The following ZMIZ1 variants were observed in gnomAD, a reference collection of about 807,000 sequenced individuals.
ZMIZ1 encodes the protein zinc finger MIZ domain-containing protein 1.
Under a neutral mutation model 113.9 loss-of-function variants are expected in ZMIZ1, and 17 were observed. The observed-to-expected ratio is 0.15, with a 90% CI of 0.10 to 0.22. The LOEUF (loss-of-function observed/expected upper bound fraction) is 0.22. Ranked by LOEUF, ZMIZ1 falls within the 10% of genes least tolerant of loss-of-function variation. The pLI is 1.00. For missense variants in ZMIZ1, 1,059 were observed against 1,477.8 expected, an observed-to-expected ratio of 0.72 and a Z score of 4.65; for synonymous variants, 607 against 603.1, an observed-to-expected ratio of 1.01 and a Z score of -0.09.
intron 18 of ZMIZ1, among the ~76,000 whole-genome samples, chr10:79,302,868 T>TC (rs1456809756): frequency 6.8e-6 from 1 of 146,810 alleles, no homozygotes; most frequent in East Asian, 2.0e-4. Context: ...TAAGTTTTTT[T>TC]TTTTTTTTTT....
At chr10:79,158,587 CT>C (rs1014653001) in intron 3 of ZMIZ1, among the ~76,000 whole-genome samples, 24 of 152,240 alleles carry the variant, frequency 1.6e-4, no homozygotes, top group African/African-American at 3.6e-4. Flanking sequence ...GGAGCCACCC[CT>C]GGTCCTAAAT....
chr10:79,248,947 G>C (rs918707862), intron 7 of ZMIZ1, among the ~76,000 whole-genome samples: 1 of 152,166 alleles, frequency 6.6e-6, no homozygotes, highest in Non-Finnish European at 1.5e-5. Flanking sequence ...CCCTGGGTCA[G>C]AGCCTGAGGC....
intron 4 of ZMIZ1, among the ~76,000 whole-genome samples, chr10:79,182,666 G>A (rs1180455963): frequency 6.6e-6 from 1 of 152,238 alleles, no homozygotes; most frequent in African/African-American, 2.4e-5. Flanking sequence ...GAGGCTTGAG[G>A]ATTTGAAGAG....
At chr10:79,237,693 G>A (rs1849648530) in intron 7 of ZMIZ1, among the ~76,000 whole-genome samples, 1 of 152,206 alleles carries the variant, frequency 6.6e-6, no homozygotes, top group Non-Finnish European at 1.5e-5. Context: ...TCTTAACGTG[G>A]TCATCTGCAA....
chr10:79,109,476 G>A (rs1450075431), intron 1 of ZMIZ1, among the ~76,000 whole-genome samples: 1 of 152,222 alleles, frequency 6.6e-6, no homozygotes, highest in Non-Finnish European at 1.5e-5. Context: ...GAGTCCTGAA[G>A]GAACTGGGGA....
intron 7 of ZMIZ1, among the ~76,000 whole-genome samples, chr10:79,224,855 C>T (rs991505285): frequency 6.6e-6 from 1 of 151,880 alleles, no homozygotes; most frequent in Non-Finnish European, 1.5e-5. Flanking sequence ...AAGCACTGAT[C>T]GAGAAGTGGA....
At chr10:79,190,376 G>C (rs1306414345) in intron 4 of ZMIZ1, among the ~76,000 whole-genome samples, 1 of 152,196 alleles carries the variant, frequency 6.6e-6, no homozygotes, top group African/African-American at 2.4e-5. Context: ...GGCCTTCAAG[G>C]CTCTGCTCTA....
intron 4 of ZMIZ1, among the ~76,000 whole-genome samples, chr10:79,181,616 G>A (rs999196258): frequency 1.2e-4 from 19 of 152,136 alleles, no homozygotes; most frequent in African/African-American, 2.9e-4. Flanking sequence ...ACCCCAAACC[G>A]TGGGCAGTGC....
rs117275257 is a variant in ZMIZ1 at position 79,076,708 on chromosome 10, A to G, written c.-337+7438A>G. On this transcript the variant is annotated intron_variant, in intron 1 of 24. Coordinates refer to ENST00000334512, the MANE Select transcript of ZMIZ1 (RefSeq NM_020338.4). ...AATTATCTCGGCATGATGGTGGTGC[A>G]CGCTTGTAGTCCCAGCTACTCGAGA... Among the ~76,000 whole-genome samples the G allele has an allele frequency of 6.5e-3, 990 of 152,282 alleles. 4 individuals carry two copies. The highest frequency in any genetic ancestry group is 0.012 in the Admixed American group (189 of 15,296).
At chr10:79,114,502 T>TGCGC in intron 1 of ZMIZ1, among the ~76,000 whole-genome samples, 1 of 73,574 alleles carries the variant, frequency 1.4e-5, no homozygotes, top group South Asian at 4.5e-4. Flanking sequence ...TGCGTGTGTG[T>TGCGC]GTGCGTGTGT....
At chr10:79,077,238 C>T (rs1293046815) in intron 1 of ZMIZ1, among the ~76,000 whole-genome samples, 1 of 151,952 alleles carries the variant, frequency 6.6e-6, no homozygotes, top group African/African-American at 2.4e-5. Flanking sequence ...GGACCTTGAC[C>T]GCCGCTGGGA....
chr10:79,086,820 A>G (rs554525390), intron 1 of ZMIZ1, among the ~76,000 whole-genome samples: 1 of 152,184 alleles, frequency 6.6e-6, no homozygotes, highest in Admixed American at 6.5e-5. Flanking sequence ...CTGATTCTCT[A>G]TACCTTTGGC....
rs570344205 is a variant in ZMIZ1, at chr10:79,307,100, G to T, written c.2669-305G>T. ...GCCCACATTGGGGAGTAGCTCAGCA[G>T]GTCTGCTCTAGGCTCAGGCCATGTC... On this transcript the variant is annotated intron_variant, in intron 22 of 24. Coordinates refer to ENST00000334512, the MANE Select transcript of ZMIZ1 (RefSeq NM_020338.4). 2.0e-5 allele frequency among the ~76,000 whole-genome samples: 3 copies of T among 152,248 alleles called. No individual in the cohort carries two copies. The South Asian group carries it at 6.2e-4, about 32-fold the overall frequency.
At chr10:79,301,153 C>G (rs1369650179) in intron 17 of ZMIZ1, among the ~76,000 whole-genome samples, 2 of 152,156 alleles carry the variant, frequency 1.3e-5, no homozygotes, top group Admixed American at 6.5e-5. Context: ...AGCCACTGTG[C>G]CCTGGCTTCA....
chr10:79,271,365 G>C (rs1851941574), intron 7 of ZMIZ1, among the ~76,000 whole-genome samples: 1 of 152,206 alleles, frequency 6.6e-6, no homozygotes, highest in Non-Finnish European at 1.5e-5. Context: ...GCTTCATGGA[G>C]GTAACGCGGT....
chr10:79,220,574 A>C (rs1295540823), intron 7 of ZMIZ1, among the ~76,000 whole-genome samples: 1 of 151,672 alleles, frequency 6.6e-6, no homozygotes, highest in African/African-American at 2.4e-5. Flanking sequence ...GCCTTTCCAC[A>C]CTTGTCTGAC....
rs116710477 is a variant in ZMIZ1 at position 79,202,306 on chromosome 10, A to G, written c.60+614A>G. Among the ~76,000 whole-genome samples, 1,112 of 151,832 alleles carry G rather than the reference A, an allele frequency of 7.3e-3. 12 individuals carry two copies. The highest frequency in any genetic ancestry group is 0.025 in the African/African-American group (1,052 of 41,524). On this transcript the variant is annotated intron_variant, in intron 5 of 24. Coordinates refer to ENST00000334512, the MANE Select transcript of ZMIZ1 (RefSeq NM_020338.4). ...AAAATATTTACTAATTTATTTAAAA[A>G]TAAGAACCCATTATAGGCTGGACCC... is the stretch of plus-strand genomic sequence containing the variant.
At position 79,300,901 on chromosome 10, in the gene ZMIZ1, G is replaced by A; in HGVS notation, c.1978G>A (p.Gly660Ser). The A allele has an allele frequency of 1.2e-6, 2 of 1,612,628 alleles. No homozygotes were observed. Among genetic ancestry groups the A allele is most frequent in the Admixed American group, 1.7e-5 (1 of 60,020 alleles). ...GCACCTGAAGCACGTGTGCCAGCCG[G>A]GCCGCAACACCATCCAGATCACCGT... ...PLHLKHVCQP[G>S]RNTIQITVTA... is the part of the protein sequence containing the mutation. The change falls in exon 17 of 25, where the codon GGC (glycine) becomes AGC (serine). Residue 660 changes from glycine to serine, a missense_variant. By Grantham distance (56) the Gly-to-Ser change is moderately conservative. Coordinates refer to ENST00000334512, the MANE Select transcript of ZMIZ1 (RefSeq NM_020338.4).
intron 6 of ZMIZ1, among the ~76,000 whole-genome samples, chr10:79,209,238 C>A (rs1275018459): frequency 6.6e-6 from 1 of 151,980 alleles, no homozygotes; most frequent in Non-Finnish European, 1.5e-5. Flanking sequence ...GTGCTTGGGG[C>A]ACATGGAACA....
Sources: allele counts gnomAD v4.1 joint callset (sites outside exome capture counted in the v4.1 genomes callset), GRCh38; gene constraint gnomAD v4.1.1; transcripts MANE v1.5; gene names NCBI Gene and HGNC (gene_info 2026-07-23, HGNC 2026-07-21).